Variants in TLE4 observed in about 807,000 individuals in gnomAD.
TLE4 encodes the protein TLE family member 4, transcriptional corepressor, also known as transducin-like enhancer protein 4.
A neutral mutation model predicts 92.8 loss-of-function variants in TLE4; 8 were observed. The ratio of observed to expected loss-of-function variants is 0.09; its 90% CI spans 0.05 to 0.16. The LOEUF (loss-of-function observed/expected upper bound fraction) is 0.16. Ranked by LOEUF, TLE4 falls within the 10% of genes least tolerant of loss-of-function variation. The probability of loss-of-function intolerance (pLI) is 1.00; values close to 1 mark genes in which losing one functional copy is unlikely to be tolerated. For synonymous variants in TLE4, 371 were observed against 374.1 expected, an observed-to-expected ratio of 0.99 and a Z score of 0.10; for missense variants, 675 against 997.6, an observed-to-expected ratio of 0.68 and a Z score of 4.36.
chr9:79,715,361 C>T lies in TLE4; in HGVS notation c.1341-3361C>T, dbSNP rs188186240. Among the ~76,000 whole-genome samples the T allele has an allele frequency of 1.2e-4, 18 of 152,168 alleles. 1 individual carries two copies. The highest frequency in any genetic ancestry group is 7.9e-4 in the Admixed American group (12 of 15,276). ...TTGCTAAATCAATTAGCCTTTTTCT[C>T]GGCCATCATCCCTCAGAACCTCAGC... On this transcript the variant is annotated intron_variant, in intron 14 of 19. Coordinates refer to ENST00000376552, the MANE Select transcript of TLE4 (RefSeq NM_007005.6).
intron 4 of TLE4, among the ~76,000 whole-genome samples, chr9:79,611,196 C>G (rs1177368826): frequency 6.6e-6 from 1 of 151,944 alleles, no homozygotes; most frequent in African/African-American, 2.4e-5. Flanking sequence ...TTGGTGATTC[C>G]CATTGCAGCT....
Position 79,709,759 on chromosome 9 carries a change from C to T in TLE4, c.1340+60C>T, listed in dbSNP as rs944410089. The T allele has an allele frequency of 2.8e-5, 41 of 1,474,252 alleles. No individual in the cohort carries two copies. The African/African-American group carries it at 4.6e-4, about 16-fold the overall frequency. 91.3% of individuals were successfully genotyped at this position (1,474,252 alleles called of 1,614,324 possible). ...TCAAACTCAGGTCCCTTGCTGGCCC[C>T]GTAGACTTAGAATACCACTAGACAG... On this transcript the variant is annotated intron_variant, in intron 14 of 19. Coordinates refer to ENST00000376552, the MANE Select transcript of TLE4 (RefSeq NM_007005.6).
At chr9:79,708,473 T>C (rs2135973576) in intron 12 of TLE4, 120 bp from the exon 13 acceptor site, 1 of 1,166,044 alleles carries the variant, frequency 8.6e-7, no homozygotes, top group Non-Finnish European at 1.2e-6. Context: ...TTGAATGACT[T>C]TTGAGAATAT....
Position 79,638,492 on chromosome 9 carries a change from T to G in TLE4, c.390+11044T>G, listed in dbSNP as rs575650789. Among the ~76,000 whole-genome samples the G allele has an allele frequency of 5.9e-5, 9 of 152,248 alleles. No homozygotes were observed. In the South Asian group the frequency reaches 1.9e-3, roughly 32 times the overall value. On this transcript the variant is annotated intron_variant, in intron 6 of 19. Coordinates refer to ENST00000376552, the MANE Select transcript of TLE4 (RefSeq NM_007005.6). ...AGAAAAACTCAGAATGGTACATTCT[T>G]GAATCCTTTTTAAGGCAGCTCTATA...
chr9:79,682,562 G>A (rs997307191), intron 8 of TLE4, among the ~76,000 whole-genome samples: 6 of 152,102 alleles, frequency 3.9e-5, no homozygotes, highest in Non-Finnish European at 1.5e-5. Flanking sequence ...GTAGTCGTTT[G>A]TCATAAATCA....
chr9:79,602,507 C>T (rs1458667518), intron 4 of TLE4, among the ~76,000 whole-genome samples: 2 of 152,150 alleles, frequency 1.3e-5, no homozygotes, highest in Non-Finnish European at 2.9e-5. Flanking sequence ...CTAAATCTAC[C>T]CTGCCTGTGT....
chr9:79,668,677 G>A (rs2061786883), intron 8 of TLE4: 1 of 228,782 alleles, frequency 4.4e-6, no homozygotes, highest in Admixed American at 6.5e-5. Flanking sequence ...TTGGACTGGG[G>A]AGATGACAGG....
In TLE4 at chr9:79,664,960, A is replaced by G. The variant is rs189209717; in HGVS notation, c.609+10885A>G. On this transcript the variant is annotated intron_variant, in intron 8 of 19. Coordinates refer to ENST00000376552, the MANE Select transcript of TLE4 (RefSeq NM_007005.6). ...TGGGGAGAAATGAAAGAAGAATATT[A>G]CATATGAAATGTTTCACGATGGATG... Among the ~76,000 whole-genome samples, 28 of 152,248 alleles carry G rather than the reference A, an allele frequency of 1.8e-4. No homozygotes were observed. In the East Asian group the frequency reaches 5.4e-3, roughly 29 times the overall value.
rs983377415 is a variant in TLE4, at chr9:79,687,486, C to A, written c.610-17297C>A. On this transcript the variant is annotated intron_variant, in intron 8 of 19. Transcript: ENST00000376552. ...AAACAAAATAAAATTTTGTAACATT[C>A]TTTTTTCCTCGTCTTTCATTTTTAT... Among the ~76,000 whole-genome samples the A allele has an allele frequency of 3.9e-5, 6 of 152,222 alleles. No individual in the cohort carries two copies. The East Asian group carries it at 5.8e-4, about 15-fold the overall frequency.
chr9:79,656,413 T>A (rs2059791422), intron 8 of TLE4, among the ~76,000 whole-genome samples: 5 of 152,196 alleles, frequency 3.3e-5, no homozygotes, highest in Admixed American at 2.6e-4. Context: ...TGACATAAAT[T>A]TCCTTCTTGC....
At chr9:79,678,437 A>C (rs1246970510) in intron 8 of TLE4, among the ~76,000 whole-genome samples, 1 of 152,090 alleles carries the variant, frequency 6.6e-6, no homozygotes, top group East Asian at 1.9e-4. Flanking sequence ...TCAGAGAAAA[A>C]TAATGAATTT....
At chr9:79,608,534 T>TTAACA (rs1242266986) in intron 4 of TLE4, among the ~76,000 whole-genome samples, 2 of 152,094 alleles carry the variant, frequency 1.3e-5, no homozygotes, top group Middle Eastern at 3.2e-3. Context: ...TGAATGTATG[T>TTAACA]TCTTGATAAA....
rs141581235 is a variant in TLE4 at position 79,682,390 on chromosome 9, C to A, written c.610-22393C>A. On this transcript the variant is annotated intron_variant, in intron 8 of 19. Coordinates refer to ENST00000376552, the MANE Select transcript of TLE4 (RefSeq NM_007005.6). ...CCAGATACTGAATTCTAAAGCACAT[C>A]TGGCCCTCAAGGATTTCCTGACATG... Among the ~76,000 whole-genome samples the A allele has an allele frequency of 3.9e-3, 593 of 152,304 alleles. 4 individuals are homozygous for A. The highest frequency in any genetic ancestry group is 0.013 in the African/African-American group (557 of 41,562).
At chr9:79,639,362 C>G (rs867094856) in intron 6 of TLE4, among the ~76,000 whole-genome samples, 8 of 152,154 alleles carry the variant, frequency 5.3e-5, no homozygotes, top group Admixed American at 5.2e-4. Flanking sequence ...CAAGGACAGA[C>G]CACATATATG....
At chr9:79,708,063 C>A in intron 11 of TLE4, 55 bp from the exon 12 acceptor site, 2 of 1,570,344 alleles carry the variant, frequency 1.3e-6, no homozygotes, top group Non-Finnish European at 1.7e-6. Context: ...TACTGTTTAA[C>A]GTCATTGTTA....
intron 8 of TLE4, among the ~76,000 whole-genome samples, chr9:79,699,101 A>G (rs968661072): frequency 6.6e-6 from 1 of 152,162 alleles, no homozygotes; most frequent in African/African-American, 2.4e-5. Context: ...AGTAGTTCCA[A>G]AAAAACAGAA....
At chr9:79,608,913 A>C (rs555525382) in intron 4 of TLE4, among the ~76,000 whole-genome samples, 1 of 152,110 alleles carries the variant, frequency 6.6e-6, no homozygotes, top group Admixed American at 6.6e-5. Context: ...GAAATGATCT[A>C]AATAAAAATC....
chr9:79,720,380 GTGTGTGTGTGTGTGTGTGTGTGTGTGT>G lies in TLE4; in HGVS notation c.1838+88_1838+114del, dbSNP rs2075390665. 58 of 800,746 alleles carry G rather than the reference GTGTGTGTGTGTGTGTGTGTGTGTGTGT, an allele frequency of 7.2e-5. 4 individuals are homozygous for G. The South Asian group carries it at 1.1e-3, about 15-fold the overall frequency. The allele number at this position is 800,746 out of a possible 1,614,324, so 49.6% of individuals were successfully genotyped here. A position where few individuals can be genotyped will look rare whatever the true frequency, so the allele number is the denominator to read the frequency against. On this transcript the variant is annotated intron_variant, in intron 16 of 19. Coordinates refer to ENST00000376552, the MANE Select transcript of TLE4 (RefSeq NM_007005.6). ...AAGTGCTGTGTATATAGGTATGGGTGTGTGTGTGTGTGTGTGTGTGTGTGTGTGTGTGTGTGTGTGTGTGTAAAGTGA... is the reference window on the plus strand; with the variant it reads ...AAGTGCTGTGTATATAGGTATGGGTGGTGTGTGTGTGTGTGTGTAAAGTGA...
chr9:79,628,908 G>A (rs75556192), intron 6 of TLE4, among the ~76,000 whole-genome samples: 1,735 of 142,750 alleles, frequency 0.012, 28 homozygotes, highest in African/African-American at 0.037. Flanking sequence ...GTGTGTGTGT[G>A]TATATGTATA....
Sources: allele counts gnomAD v4.1 joint callset (sites outside exome capture counted in the v4.1 genomes callset), GRCh38; gene constraint gnomAD v4.1.1; transcripts MANE v1.5; gene names NCBI Gene and HGNC (gene_info 2026-07-23, HGNC 2026-07-21).